Variants in AGAP1 observed in about 807,000 individuals in gnomAD.
AGAP1 encodes ArfGAP with GTPase domain, ankyrin repeat and PH domain 1, also known as arf-GAP with GTPase, ANK repeat and PH domain-containing protein 1.
In AGAP1, 29 loss-of-function variants were observed where a neutral mutation model predicts 105.3. The observed-to-expected ratio is 0.28, with a 90% CI of 0.21 to 0.38. AGAP1 has a LOEUF of 0.38. Ranked by LOEUF, AGAP1 falls within the 10% of genes least tolerant of loss-of-function variation. The probability of loss-of-function intolerance (pLI) is 1.00; values close to 1 mark genes in which losing one functional copy is unlikely to be tolerated. For missense variants in AGAP1, 998 were observed against 1,165.1 expected (o/e 0.86, Z 2.09); for synonymous variants, 509 against 485.9 (o/e 1.05, Z -0.63).
At chr2:235,910,980 T>C (rs796637872) in intron 11 of AGAP1, among the ~76,000 whole-genome samples, 9 of 151,934 alleles carry the variant, frequency 5.9e-5, no homozygotes, top group African/African-American at 2.2e-4. Flanking sequence ...AGATACGGAG[T>C]CCCTAACCTC....
rs2058817733 is a variant in AGAP1, at chr2:236,082,669, T to A, written c.2114+33388T>A. 6.6e-6 allele frequency among the ~76,000 whole-genome samples: 1 copy of A among 151,830 alleles called. No individual in the cohort carries two copies. Among genetic ancestry groups the A allele is most frequent in the African/African-American group, 2.4e-5 (1 of 41,298 alleles). ...CGGGTGGATCACCTGAGGCCAGGAG[T>A]TTGAGACCAGCCTGGCCAACATGGC... On this transcript the variant is annotated intron_variant, in intron 16 of 17. Coordinates refer to ENST00000304032, the MANE Select transcript of AGAP1 (RefSeq NM_001037131.3). This position sits in a 1 kb window ranked among gnomAD's most constrained non-coding sequence, Gnocchi z 4.2.
At chr2:235,710,819 G>A (rs1434245027) in intron 2 of AGAP1, among the ~76,000 whole-genome samples, 3 of 152,190 alleles carry the variant, frequency 2.0e-5, no homozygotes, top group African/African-American at 7.2e-5. Context: ...CTCGGGTGCT[G>A]TGATGGGCAC....
chr2:235,769,063 A>G lies in AGAP1; in HGVS notation c.673+18575A>G, dbSNP rs909336066. 3.9e-5 allele frequency among the ~76,000 whole-genome samples: 6 copies of G among 152,236 alleles called. No homozygotes were observed. The highest frequency in any genetic ancestry group is 1.4e-4 in the African/African-American group (6 of 41,464). On this transcript the variant is annotated intron_variant, in intron 6 of 17. Transcript: ENST00000304032. The surrounding 1 kb of genome is among the most constrained non-coding windows in gnomAD (Gnocchi z 4.4). ...ACCATAAATGAGTGAAAATTATTCA[A>G]CTGGATTAGAAATTGCCAGCCTTGG...
At chr2:235,800,861 T>G (rs965116177) in intron 8 of AGAP1, among the ~76,000 whole-genome samples, 11 of 152,210 alleles carry the variant, frequency 7.2e-5, no homozygotes, top group African/African-American at 1.9e-4. Context: ...ATGTTAGTGG[T>G]GCCCTGTTTT....
In AGAP1 at chr2:235,970,876, A is replaced by G. The variant is rs1321659456; in HGVS notation, c.1645+2253A>G. Among the ~76,000 whole-genome samples, 1 of 152,212 alleles carries G rather than the reference A, an allele frequency of 6.6e-6. No individual in the cohort carries two copies. Among genetic ancestry groups the G allele is most frequent in the Non-Finnish European group, 1.5e-5 (1 of 68,034 alleles). On this transcript the variant is annotated intron_variant, in intron 13 of 17. Transcript: ENST00000304032. The surrounding 1 kb of genome is among the most constrained non-coding windows in gnomAD (Gnocchi z 5.4). The stretch of plus-strand genomic sequence containing the variant: ...TGGGATGGTATGTGTGTGCGAGGCA[A>G]TAGTGGATACCCAGGCTGAGACACG...
intron 12 of AGAP1, among the ~76,000 whole-genome samples, chr2:235,932,489 C>T (rs1427296919): frequency 2.0e-5 from 3 of 152,140 alleles, no homozygotes; most frequent in Non-Finnish European, 4.4e-5. Context: ...ATTCTGTGGC[C>T]GCCATCTCGT....
In AGAP1 at chr2:236,045,915, C is replaced by T. The variant is rs1276703924; in HGVS notation, c.1892-3144C>T. 1.1e-4 allele frequency: 50 copies of T among 470,666 alleles called. No individual in the cohort carries two copies. The Admixed American group carries it at 1.1e-3, about 11-fold the overall frequency. The allele number at this position is 470,666 out of a possible 1,614,324, so 29.2% of individuals were successfully genotyped here. Reference sequence around the variant, plus strand: ...ATGGGGCCCTGGAACACTGTGCCCCCGCCCCCTGCAACATTTTGGGTTTCA... The same window carrying T: ...ATGGGGCCCTGGAACACTGTGCCCCTGCCCCCTGCAACATTTTGGGTTTCA... On this transcript the variant is annotated intron_variant, in intron 15 of 17. Transcript: ENST00000304032. This position sits in a 1 kb window ranked among gnomAD's most constrained non-coding sequence, Gnocchi z 6.9.
intron 13 of AGAP1, among the ~76,000 whole-genome samples, chr2:235,968,842 C>T (rs537481889): frequency 3.9e-5 from 6 of 152,292 alleles, no homozygotes; most frequent in Non-Finnish European, 8.8e-5. Flanking sequence ...TGTCATCACT[C>T]TTGGCCGCCG....
chr2:235,632,174 C>T (rs1175328897), intron 1 of AGAP1, among the ~76,000 whole-genome samples: 1 of 152,244 alleles, frequency 6.6e-6, no homozygotes, highest in Non-Finnish European at 1.5e-5. Flanking sequence ...TCTGCAAGAT[C>T]CAGAGCTTAG....
At chr2:235,854,060 G>A (rs2106467825) in intron 9 of AGAP1, among the ~76,000 whole-genome samples, 1 of 152,230 alleles carries the variant, frequency 6.6e-6, no homozygotes, top group South Asian at 2.1e-4. Flanking sequence ...AGGCTCATGG[G>A]ATGACCCCGC....
Position 235,992,755 on chromosome 2 carries a change from G to C in AGAP1, c.1645+24132G>C, listed in dbSNP as rs537527817. Among the ~76,000 whole-genome samples, 1 of 152,196 alleles carries C rather than the reference G, an allele frequency of 6.6e-6. No homozygotes were observed. The highest frequency in any genetic ancestry group is 6.5e-5 in the Admixed American group (1 of 15,284). ...GCACACCTGGGGATGCGTCGTGGGCGCCGAGGAGAGCGTAGCCTCCTGTTA... is the reference window on the plus strand; with the variant it reads ...GCACACCTGGGGATGCGTCGTGGGCCCCGAGGAGAGCGTAGCCTCCTGTTA... On this transcript the variant is annotated intron_variant, in intron 13 of 17. Coordinates refer to ENST00000304032, the MANE Select transcript of AGAP1 (RefSeq NM_001037131.3). This position sits in a 1 kb window ranked among gnomAD's most constrained non-coding sequence, Gnocchi z 4.8.
chr2:235,679,946 G>A (rs1948970842), intron 1 of AGAP1, among the ~76,000 whole-genome samples: 1 of 152,226 alleles, frequency 6.6e-6, no homozygotes. Flanking sequence ...TGCGAATGGT[G>A]TTACGTGGAT....
At chr2:235,702,629 A>G (rs751363668) in intron 1 of AGAP1, among the ~76,000 whole-genome samples, 22 of 152,222 alleles carry the variant, frequency 1.4e-4, no homozygotes, top group Admixed American at 3.9e-4. Context: ...GTTGGTAGTC[A>G]TATCACATGG....
At chr2:236,122,732 G>T (rs2059930078) in intron 17 of AGAP1, among the ~76,000 whole-genome samples, 1 of 147,120 alleles carries the variant, frequency 6.8e-6, no homozygotes, top group Non-Finnish European at 1.5e-5. Flanking sequence ...TCCCGGGCTG[G>T]AGTGCAGTGG....
rs2060002038 is a variant in AGAP1, at chr2:236,126,213, C to T, written c.*2091C>T. The T allele has an allele frequency of 6.6e-6, 1 of 152,094 alleles. No homozygotes were observed. The allele number at this position is 152,094 out of a possible 1,614,324, so 9.4% of individuals were successfully genotyped here. A position where few individuals can be genotyped will look rare whatever the true frequency, so the allele number is the denominator to read the frequency against. On this transcript the variant is annotated 3_prime_UTR_variant, in exon 18 of 18. Coordinates refer to ENST00000304032, the MANE Select transcript of AGAP1 (RefSeq NM_001037131.3). The stretch of plus-strand genomic sequence containing the variant: ...GAACCTTGACGACAGTTCCATCGTC[C>T]TGCCATTTGATTTTTCAGTCTGCGT...
rs1203189418 is a variant in AGAP1, at chr2:235,893,868, T to C, written c.1155+10419T>C. Among the ~76,000 whole-genome samples the C allele has an allele frequency of 1.3e-5, 2 of 152,124 alleles. No individual in the cohort carries two copies. The highest frequency in any genetic ancestry group is 2.9e-5 in the Non-Finnish European group (2 of 68,026). On this transcript the variant is annotated intron_variant, in intron 10 of 17. Coordinates refer to ENST00000304032, the MANE Select transcript of AGAP1 (RefSeq NM_001037131.3). This position sits in a 1 kb window ranked among gnomAD's most constrained non-coding sequence, Gnocchi z 4.7. ...ACTTCCTGGACTCCAGCCCTCAACA[T>C]TGACAATCCTGGCTGTGCTCTACAG...
intron 16 of AGAP1, among the ~76,000 whole-genome samples, chr2:236,059,812 A>G (rs1559235835): frequency 6.6e-6 from 1 of 152,186 alleles, no homozygotes. Context: ...AATGCTATAT[A>G]TAAAAATTAA....
At chr2:235,682,589 C>T (rs1949138461) in intron 1 of AGAP1, among the ~76,000 whole-genome samples, 1 of 152,042 alleles carries the variant, frequency 6.6e-6, no homozygotes, top group South Asian at 2.1e-4. Context: ...AAATGATCCT[C>T]GCACCTTAGC....
chr2:235,775,027 A>G (rs1955754808), intron 6 of AGAP1, among the ~76,000 whole-genome samples: 1 of 152,082 alleles, frequency 6.6e-6, no homozygotes, highest in Admixed American at 6.5e-5. Context: ...AAATTCTGGG[A>G]AAGTTTGAGA....
Sources: allele counts gnomAD v4.1 joint callset (sites outside exome capture counted in the v4.1 genomes callset), GRCh38; gene constraint gnomAD v4.1.1; non-coding constraint Gnocchi (gnomAD v3.1); transcripts MANE v1.5; gene names NCBI Gene and HGNC (gene_info 2026-07-23, HGNC 2026-07-21).